REXO5: variants seen among roughly 807,000 people sequenced by gnomAD.
REXO5 encodes the protein exonuclease NEF-sp.
In REXO5, 48 loss-of-function variants were observed where a neutral mutation model predicts 88.5. The ratio of observed to expected loss-of-function variants is 0.54; its 90% confidence interval spans 0.43 to 0.69. The LOEUF is 0.69. REXO5 is among the 30% of genes least tolerant of loss of function. REXO5 has a pLI of 0.00. For synonymous variants in REXO5, 311 were observed against 336.5 expected (o/e 0.92, Z 0.83); for missense variants, 749 against 912.2 (o/e 0.82, Z 2.30).
At chr16:20,812,424 C>A (rs2081013668) in intron 2 of REXO5, among the ~76,000 whole-genome samples, 2 of 152,176 alleles carry the variant, frequency 1.3e-5, no homozygotes, top group Non-Finnish European at 2.9e-5. Context: ...ACTCAGGACA[C>A]TGAGGCAGGA....
Position 20,844,719 on chromosome 16 carries a change from C to T in REXO5, c.1810C>T (p.Leu604=). The T allele has an allele frequency of 6.2e-7, 1 of 1,614,196 alleles. No individual in the cohort carries two copies. Among genetic ancestry groups the T allele is most frequent in the East Asian group, 2.2e-5 (1 of 44,888 alleles). ...TTCTGAAAACCAAGGCTCTATATAT[C>T]TGTCTGGAGTGAGTGAAACCTTCAA... The part of the protein sequence containing the change: ...GDSENQGSIY[L]SGVSETFKEQ... The change falls in exon 17 of 20, where the codon CTG becomes TTG. Residue 604 remains leucine, a synonymous_variant. Transcript: ENST00000261377.
At chr16:20,835,632 C>G (rs1446099654) in intron 13 of REXO5, among the ~76,000 whole-genome samples, 1 of 60,430 alleles carries the variant, frequency 1.7e-5, no homozygotes, top group Non-Finnish European at 2.9e-5. Flanking sequence ...AACTGCTGTT[C>G]TTAGGAATTT....
intron 13 of REXO5, among the ~76,000 whole-genome samples, chr16:20,837,517 T>G (rs571512634): frequency 6.6e-6 from 1 of 152,328 alleles, no homozygotes; most frequent in South Asian, 2.1e-4. Context: ...CTGATCCTTT[T>G]GATTTCATTT....
intron 2 of REXO5, among the ~76,000 whole-genome samples, chr16:20,810,042 C>T (rs911811314): frequency 1.3e-5 from 2 of 152,204 alleles, no homozygotes; most frequent in Non-Finnish European, 2.9e-5. Context: ...GACATGACAA[C>T]ATCATTCTTT....
At chr16:20,840,258 C>G in intron 14 of REXO5, 73 bp from the exon 15 acceptor site, 1 of 1,289,158 alleles carries the variant, frequency 7.8e-7, no homozygotes, top group Non-Finnish European at 1.0e-6. Flanking sequence ...TGAATAATCC[C>G]ATGCATTGAC....
In REXO5 at chr16:20,845,112, G is replaced by A. The variant is rs1376537249; in HGVS notation, c.1995G>A (p.Trp665Ter). Reference sequence around the variant, plus strand: ...TCAACATTCTCACAGGCAAGGACTGGAAGCTGAAAGGCAGGCATGCCCTAA... The same window carrying A: ...TCAACATTCTCACAGGCAAGGACTGAAAGCTGAAAGGCAGGCATGCCCTAA... The part of the protein sequence containing the change: ...QALNILTGKD[W>*]KLKGRHALTP... Residue 665 changes from tryptophan (W) to a stop codon, truncating the protein, a stop_gained, in exon 18 of 20, where the codon TGG (tryptophan) becomes TGA (stop). Transcript: ENST00000261377. LOFTEE classifies it high-confidence loss of function. 1 of 1,614,138 alleles carries A rather than the reference G, an allele frequency of 6.2e-7. No individual in the cohort carries two copies.
chr16:20,843,931 C>A lies in REXO5; in HGVS notation c.1627-3C>A. ...TGATGAGGAAATCTTGGTCTTTCTG[C>A]AGCCTCATCTCTGTATACAGTATGA... On this transcript the variant is annotated splice_region_variant and splice_polypyrimidine_tract_variant and intron_variant, in intron 15 of 19. Transcript: ENST00000261377. The A allele has an allele frequency of 6.3e-7, 1 of 1,592,304 alleles. No individual in the cohort carries two copies. The highest frequency in any genetic ancestry group is 8.6e-7 in the Non-Finnish European group (1 of 1,163,534).
chr16:20,844,919 A>C (rs2081584055), intron 17 of REXO5, 74 bp downstream of exon 17: 1 of 1,546,080 alleles, frequency 6.5e-7, no homozygotes, highest in East Asian at 2.3e-5. Flanking sequence ...CAGAGAAAGG[A>C]AGATTCACCT....
In REXO5 at chr16:20,824,485, T is replaced by C. The variant is rs1379998819; in HGVS notation, c.663T>C (p.Ser221=). The change falls in exon 7 of 20, where the codon TCT becomes TCC. Residue 221 remains serine (S), a synonymous_variant. Coordinates refer to ENST00000261377, the MANE Select transcript of REXO5 (RefSeq NM_030941.3). ...ENFLLTKCNG[S]IADNSPLFGL... ...TTTTACTTACCAAATGTAATGGTTC[T>C]ATAGCAGACAATAGTCCTCTCTTTG... 7 of 1,611,934 alleles carry C rather than the reference T, an allele frequency of 4.3e-6. No individual in the cohort carries two copies. Among genetic ancestry groups the C allele is most frequent in the Non-Finnish European group, 5.9e-6 (7 of 1,178,452 alleles).
intron 18 of REXO5, 26 bp downstream of exon 18, chr16:20,845,267 A>C (rs2081589945): frequency 6.2e-7 from 1 of 1,602,418 alleles, no homozygotes; most frequent in South Asian, 1.1e-5. Context: ...CGTCTTGGAG[A>C]AGATGTCAGG....
At chr16:20,812,339 T>C (rs978842452) in intron 2 of REXO5, among the ~76,000 whole-genome samples, 13 of 152,072 alleles carry the variant, frequency 8.5e-5, no homozygotes, top group Middle Eastern at 3.4e-3. Context: ...CTGGGCAACA[T>C]GGTAAAAACT....
Position 20,827,142 on chromosome 16 carries a change from T to A in REXO5, c.906T>A (p.Pro302=). The A allele has an allele frequency of 1.2e-6, 2 of 1,614,118 alleles. No individual in the cohort carries two copies. The highest frequency in any genetic ancestry group is 3.3e-5 in the Admixed American group (2 of 60,024). ...AGAGGCAGTTAAAAGCACTGCTTCC[T>A]CCTGATGCTGTGTTAGTGGGCCACT... ...DVQRQLKALL[P]PDAVLVGHSL... is the part of the protein sequence containing the mutation. The change falls in exon 9 of 20, where the codon CCT becomes CCA. Residue 302 remains proline (P), a synonymous_variant. Coordinates refer to ENST00000261377, the MANE Select transcript of REXO5 (RefSeq NM_030941.3).
intron 19 of REXO5, among the ~76,000 whole-genome samples, chr16:20,847,806 A>T (rs769370350): frequency 1.3e-5 from 2 of 152,202 alleles, no homozygotes; most frequent in South Asian, 2.1e-4. Flanking sequence ...GGGGCAGTGT[A>T]TGGTGGTAGG....
In REXO5 at chr16:20,825,823, G is replaced by A; in HGVS notation, c.706-10G>A. 6.3e-7 allele frequency: 1 copy of A among 1,591,094 alleles called. No homozygotes were observed. Among genetic ancestry groups the A allele is most frequent in the Non-Finnish European group, 8.6e-7 (1 of 1,159,572 alleles). On this transcript the variant is annotated splice_polypyrimidine_tract_variant and intron_variant, in intron 7 of 19. Coordinates refer to ENST00000261377, the MANE Select transcript of REXO5 (RefSeq NM_030941.3). ...CAGTTCAGCAGCCTGACTACATGTT[G>A]GTCTTTCAGTGCCTCACATCCAAGG...
intron 6 of REXO5, among the ~76,000 whole-genome samples, chr16:20,822,166 CCCTTT>C (rs1160601901): frequency 6.6e-6 from 1 of 152,016 alleles, no homozygotes; most frequent in Non-Finnish European, 1.5e-5. Flanking sequence ...GAAAGTTATT[CCCTTT>C]CCTTTTCATT....
At chr16:20,818,146 A>G (rs2081109768) in intron 5 of REXO5, among the ~76,000 whole-genome samples, 1 of 152,190 alleles carries the variant, frequency 6.6e-6, no homozygotes, top group South Asian at 2.1e-4. Flanking sequence ...TACAAAATAT[A>G]TGACAGTAAC....
At chr16:20,815,743 G>A (rs915005532) in intron 4 of REXO5, among the ~76,000 whole-genome samples, 4 of 152,214 alleles carry the variant, frequency 2.6e-5, no homozygotes, top group Non-Finnish European at 5.9e-5. Context: ...TTTAAGCCCA[G>A]GTGAACCTGA....
At position 20,846,447 on chromosome 16, in the gene REXO5, G is replaced by T. The variant is rs1022832772; in HGVS notation, c.2243+108G>T. On this transcript the variant is annotated intron_variant, in intron 19 of 19. Coordinates refer to ENST00000261377, the MANE Select transcript of REXO5 (RefSeq NM_030941.3). ...TTAGGCACATAGTGAGGACTTACAT[G>T]AATCATCTCTTTAATTTTCACCGTT... 3 of 718,518 alleles carry T rather than the reference G, an allele frequency of 4.2e-6. No homozygotes were observed. In the African/African-American group the frequency reaches 5.3e-5, roughly 13 times the overall value. 44.5% of individuals were successfully genotyped at this position (718,518 alleles called of 1,614,324 possible). A position where few individuals can be genotyped will look rare whatever the true frequency, so the allele number is the denominator to read the frequency against.
intron 3 of REXO5, 47 bp from the exon 4 acceptor site, chr16:20,814,880 G>T: frequency 1.3e-6 from 2 of 1,573,464 alleles, no homozygotes; most frequent in South Asian, 2.4e-5. Context: ...GACTGTAACT[G>T]ACTTAAGGCC....
Sources: gnomAD v4.1 joint callset for allele counts (sites outside exome capture counted in the v4.1 genomes callset) on GRCh38, gnomAD v4.1.1 for gene constraint, MANE v1.5 for transcripts, NCBI Gene and HGNC (gene_info 2026-07-23, HGNC 2026-07-21) for gene names.